Variants in ACTG1 observed in about 807,000 individuals in gnomAD.
The protein encoded by ACTG1 is actin, cytoplasmic 2.
ACTG1 carries 14 observed loss-of-function variants against 34.3 expected under a neutral mutation model. That is an observed-to-expected ratio of 0.41 (90% CI 0.27 to 0.64). The LOEUF is 0.64. ACTG1 is among the 30% of genes least tolerant of loss of function. ACTG1 has a pLI of 0.33. For synonymous variants in ACTG1, 422 were observed against 213.9 expected (o/e 1.97, Z -8.49); for missense variants, 233 against 529.5 (o/e 0.44, Z 5.50).
chr17:81,512,187 C>T (rs1265538590), intron 2 of ACTG1, 45 bp from the exon 3 acceptor site: 1 of 1,613,446 alleles, frequency 6.2e-7, no homozygotes, highest in East Asian at 2.2e-5. Flanking sequence ...ACCGAACCCA[C>T]CCCGCAACGC....
At position 81,511,939 on chromosome 17, in the gene ACTG1, G is replaced by C. The variant is rs1555667054; in HGVS notation, c.327C>G (p.Pro109=). The change falls in exon 3 of 6, where the codon CCC becomes CCG. Residue 109 remains proline, a synonymous_variant. Transcript: ENST00000573283. The part of the protein sequence containing the change: ...EEHPVLLTEA[P]LNPKANREKM... Reference sequence around the variant, plus strand: ...TCTCTCTGTTGGCCTTGGGGTTCAGGGGGGCCTCGGTCAGCAGCACTGGGT... The same window carrying C: ...TCTCTCTGTTGGCCTTGGGGTTCAGCGGGGCCTCGGTCAGCAGCACTGGGT... 1.9e-6 allele frequency: 3 copies of C among 1,613,974 alleles called. No homozygotes were observed. Among genetic ancestry groups the C allele is most frequent in the African/African-American group, 1.3e-5 (1 of 74,934 alleles).
At chr17:81,511,692 C>A in intron 3 of ACTG1, 66 bp from the exon 4 acceptor site, 1 of 1,553,198 alleles carries the variant, frequency 6.4e-7, no homozygotes, top group Non-Finnish European at 8.8e-7. Flanking sequence ...GCTCACACGC[C>A]ACAACATGCT....
In ACTG1 at chr17:81,512,726, G is replaced by A. The variant is rs782547378; in HGVS notation, c.-7+8C>T. 8 of 408,512 alleles carry A rather than the reference G, an allele frequency of 2.0e-5. No individual in the cohort carries two copies. The highest frequency in any genetic ancestry group is 1.2e-4 in the South Asian group (7 of 56,646). 25.3% of individuals were successfully genotyped at this position (408,512 alleles called of 1,614,324 possible). The stretch of plus-strand genomic sequence containing the variant: ...CGTCCAGCTCAGGCCCCGGGGCGGG[G>A]CGCTCACCGGCAGAGAAACGCGACG... On this transcript the variant is annotated splice_region_variant and intron_variant, in intron 1 of 5. Transcript: ENST00000573283.
intron 1 of ACTG1, 111 bp from the exon 2 acceptor site, chr17:81,512,471 G>A (rs1428138636): frequency 1.6e-5 from 25 of 1,578,052 alleles, no homozygotes; most frequent in South Asian, 4.5e-5. Context: ...AACCCCAGCG[G>A]CCGTGGCCTC....
chr17:81,511,707 G>A (rs1357021943), intron 3 of ACTG1, 81 bp from the exon 4 acceptor site: 17 of 1,528,928 alleles, frequency 1.1e-5, no homozygotes, highest in Non-Finnish European at 1.3e-5. Context: ...CATGCTGCAT[G>A]CCAGTGTGAT....
At chr17:81,512,383 A>G (rs369675938) in intron 1 of ACTG1, 23 bp from the exon 2 acceptor site, 27 of 1,613,782 alleles carry the variant, frequency 1.7e-5, no homozygotes, top group Middle Eastern at 3.3e-4. Flanking sequence ...GGATGGACTC[A>G]GGCGGGCGCG....
chr17:81,511,680 A>C, intron 3 of ACTG1, 54 bp from the exon 4 acceptor site: 1 of 1,571,434 alleles, frequency 6.4e-7, no homozygotes, highest in Non-Finnish European at 8.7e-7. Flanking sequence ...CGGCCACCCC[A>C]TGCTCACACG....
rs782107098 is a variant in ACTG1, at chr17:81,512,774, T to G, written c.-47A>C. On this transcript the variant is annotated 5_prime_UTR_variant, in exon 1 of 6. Coordinates refer to ENST00000573283, the MANE Select transcript of ACTG1 (RefSeq NM_001614.5). ...ACGGCGGAGCGGCGGAAGAACAGAG[T>G]GCGAGAGCTGGCAGCGGCGACTGAG... 21 of 414,944 alleles carry G rather than the reference T, an allele frequency of 5.1e-5. No homozygotes were observed. Among genetic ancestry groups the G allele is most frequent in the African/African-American group, 4.0e-4 (18 of 45,246 alleles). The allele number at this position is 414,944 out of a possible 1,614,324, so 25.7% of individuals were successfully genotyped here.
rs1341325695 is a variant in ACTG1, at chr17:81,510,252, G to A, written c.*438C>T. On this transcript the variant is annotated 3_prime_UTR_variant, in exon 6 of 6. Transcript: ENST00000573283. ...CGGCTTGGACTTTCCAACCCTGACA[G>A]ACCCGCAAGACAAAACAACTGGTTC... 4 of 544,092 alleles carry A rather than the reference G, an allele frequency of 7.4e-6. No individual in the cohort carries two copies. The highest frequency in any genetic ancestry group is 6.0e-5 in the African/African-American group (3 of 50,258). 33.7% of individuals were successfully genotyped at this position (544,092 alleles called of 1,614,324 possible). A position where few individuals can be genotyped will look rare whatever the true frequency, so the allele number is the denominator to read the frequency against.
At chr17:81,511,739 G>T in intron 3 of ACTG1, 113 bp from the exon 4 acceptor site, 1 of 1,513,420 alleles carries the variant, frequency 6.6e-7, no homozygotes, top group Non-Finnish European at 9.0e-7. Context: ...AGAAAAGAAC[G>T]CAGGCAGAAA....
intron 3 of ACTG1, 74 bp downstream of exon 3, chr17:81,511,829 A>ATATT (rs2031811242): frequency 6.2e-7 from 1 of 1,607,552 alleles, no homozygotes; most frequent in Admixed American, 1.7e-5. Context: ...AAACACTTAA[A>ATATT]TGTCAGAAAT....
rs372188662 is a variant in ACTG1, at chr17:81,511,441, C to G, written c.549G>C (p.Arg183=). ...TCTTCATGAGGTAGTCGGTCAGGTC[C>G]CGGCCAGCCAGGTCCAGACGCAGGA... The part of the protein sequence containing the change: ...HAILRLDLAG[R]DLTDYLMKIL... The change falls in exon 4 of 6, where the codon CGG becomes CGC. Residue 183 remains arginine, a synonymous_variant. Coordinates refer to ENST00000573283, the MANE Select transcript of ACTG1 (RefSeq NM_001614.5). 4 of 1,613,784 alleles carry G rather than the reference C, an allele frequency of 2.5e-6. No homozygotes were observed. In the African/African-American group the frequency reaches 4.0e-5, roughly 16 times the overall value.
At position 81,510,705 on chromosome 17, in the gene ACTG1, G is replaced by A. The variant is rs117765323; in HGVS notation, c.1113C>T (p.His371=). 2.3e-4 allele frequency: 377 copies of A among 1,614,086 alleles called. 1 individual carries two copies. The East Asian group carries it at 7.5e-3, about 32-fold the overall frequency. The change falls in exon 6 of 6, where the codon CAC becomes CAT. Residue 371 remains histidine, a synonymous_variant. Transcript: ENST00000573283. The part of the protein sequence containing the change: ...EYDESGPSIV[H]RKCF The stretch of plus-strand genomic sequence containing the variant: ...CTGAGTCCGTTTAGAAGCATTTGCG[G>A]TGGACGATGGAGGGGCCCGACTCGT...
At position 81,509,979 on chromosome 17, in the gene ACTG1, G is replaced by C. The variant is rs551082079; in HGVS notation, c.*711C>G. On this transcript the variant is annotated 3_prime_UTR_variant, in exon 6 of 6. Coordinates refer to ENST00000573283, the MANE Select transcript of ACTG1 (RefSeq NM_001614.5). ...CAAACAGGAGCCATTCATTGGTTAC[G>C]GCAGCACTTTTATTTTTCCTTACAC... The C allele has an allele frequency of 1.8e-5, 7 of 390,514 alleles. No homozygotes were observed. Among genetic ancestry groups the C allele is most frequent in the Non-Finnish European group, 3.6e-5 (7 of 197,088 alleles). The allele number at this position is 390,514 out of a possible 1,614,324, so 24.2% of individuals were successfully genotyped here.
Position 81,512,077 on chromosome 17 carries a change from G to A in ACTG1, c.189C>T (p.Gly63=), listed in dbSNP as rs11549245. Reference sequence around the variant, plus strand: ...CAATGGGGTACTTCAGGGTCAGGATGCCACGCTTGCTCTGGGCCTCGTCGC... The same window carrying A: ...CAATGGGGTACTTCAGGGTCAGGATACCACGCTTGCTCTGGGCCTCGTCGC... ...YVGDEAQSKR[G]ILTLKYPIEH... is the part of the protein sequence containing the mutation. Residue 63 remains glycine, a synonymous_variant, in exon 3 of 6, where the codon GGC becomes GGT. Coordinates refer to ENST00000573283, the MANE Select transcript of ACTG1 (RefSeq NM_001614.5). 1.5e-5 allele frequency: 25 copies of A among 1,613,848 alleles called. No homozygotes were observed. Among genetic ancestry groups the A allele is most frequent in the Middle Eastern group, 3.3e-4 (2 of 6,084 alleles).
Position 81,511,085 on chromosome 17 carries a change from C to A in ACTG1, c.826G>T (p.Glu276Ter). Reference protein sequence around the residue: ...FLGMESCGIHETTFNSIMKCD... With the variant: ...FLGMESCGIH ...TTCATGATGGAGTTGAAGGTGGTCT[C>A]GTGGATGCCGCAAGATTCCATACCT... Residue 276 changes from glutamate to a stop codon, truncating the protein, a stop_gained, in exon 5 of 6, where the codon GAG (glutamate) becomes TAG (stop). Coordinates refer to ENST00000573283, the MANE Select transcript of ACTG1 (RefSeq NM_001614.5). LOFTEE classifies it high-confidence loss of function. The A allele has an allele frequency of 6.2e-7, 1 of 1,613,980 alleles. No individual in the cohort carries two copies. The highest frequency in any genetic ancestry group is 8.5e-7 in the Non-Finnish European group (1 of 1,180,040).
At chr17:81,512,482 C>A (rs1048961610) in intron 1 of ACTG1, 122 bp from the exon 2 acceptor site, 3 of 1,527,418 alleles carry the variant, frequency 2.0e-6, no homozygotes, top group Non-Finnish European at 2.7e-6. Context: ...CCGTGGCCTC[C>A]AAGATCGCAA....
chr17:81,510,212 G>A lies in ACTG1; in HGVS notation c.*478C>T, dbSNP rs782808212. ...CTGGCCAAAGACATCAGCTAAGAAA[G>A]GAAACTGGGTCCTACGGCTTGGACT... is the stretch of plus-strand genomic sequence containing the variant. On this transcript the variant is annotated 3_prime_UTR_variant, in exon 6 of 6. Coordinates refer to ENST00000573283, the MANE Select transcript of ACTG1 (RefSeq NM_001614.5). 7.2e-5 allele frequency: 37 copies of A among 517,234 alleles called. No homozygotes were observed. The highest frequency in any genetic ancestry group is 4.3e-4 in the Admixed American group (18 of 42,318). 32.0% of individuals were successfully genotyped at this position (517,234 alleles called of 1,614,324 possible).
rs2143777933 is a variant in ACTG1 at position 81,511,356 on chromosome 17, T to C, written c.634A>G (p.Ile212Val). The C allele has an allele frequency of 1.9e-6, 3 of 1,613,910 alleles. No individual in the cohort carries two copies. The highest frequency in any genetic ancestry group is 2.5e-6 in the Non-Finnish European group (3 of 1,180,032). Residue 212 changes from isoleucine to valine, a missense_variant, in exon 4 of 6, where the codon ATC (isoleucine) becomes GTC (valine). Coordinates refer to ENST00000573283, the MANE Select transcript of ACTG1 (RefSeq NM_001614.5). The stretch of plus-strand genomic sequence containing the variant: ...GCGACGTAGCACAGCTTCTCCTTGA[T>C]GTCGCGCACGATTTCCCGCTCGGCC... Reference protein sequence around the residue: ...TTAEREIVRDIKEKLCYVALD... With the variant: ...TTAEREIVRDVKEKLCYVALD...
Sources: gnomAD v4.1 joint callset for allele counts on GRCh38, gnomAD v4.1.1 for gene constraint, MANE v1.5 for transcripts, NCBI Gene and HGNC (gene_info 2026-07-23, HGNC 2026-07-21) for gene names.